SLC4A10: variants seen among roughly 807,000 people sequenced by gnomAD.
The protein encoded by SLC4A10 is solute carrier family 4 member 10.
In SLC4A10, 42 loss-of-function variants were observed where a neutral mutation model predicts 137.7. The observed-to-expected ratio is 0.30, with a 90% CI of 0.24 to 0.39. The LOEUF is 0.39. Among genes scored for constraint, SLC4A10 ranks in the 10% least tolerant of loss-of-function variants. The probability of loss-of-function intolerance (pLI) is 1.00; values close to 1 mark genes in which losing one functional copy is unlikely to be tolerated. For missense variants in SLC4A10, 925 were observed against 1,355.0 expected (o/e 0.68, Z 4.98); for synonymous variants, 474 against 464.1 (o/e 1.02, Z -0.27).
chr2:161,938,341 A>G (rs1176639676), intron 15 of SLC4A10, among the ~76,000 whole-genome samples: 2 of 152,162 alleles, frequency 1.3e-5, no homozygotes, highest in African/African-American at 2.4e-5. Flanking sequence ...TCTGAGGACT[A>G]TGGACCAAGG....
intron 3 of SLC4A10, among the ~76,000 whole-genome samples, chr2:161,813,661 C>A (rs943645463): frequency 5.3e-5 from 8 of 152,048 alleles, no homozygotes; most frequent in Admixed American, 6.6e-5. Flanking sequence ...GGGCTATGCG[C>A]TAATGATGAG....
chr2:161,823,186 T>C (rs1244697019), intron 3 of SLC4A10, among the ~76,000 whole-genome samples: 1 of 152,204 alleles, frequency 6.6e-6, no homozygotes, highest in African/African-American at 2.4e-5. Flanking sequence ...TTATCAGGCC[T>C]TATGTACACA....
At chr2:161,815,471 G>A (rs1017995966) in intron 3 of SLC4A10, among the ~76,000 whole-genome samples, 2 of 152,136 alleles carry the variant, frequency 1.3e-5, no homozygotes, top group Non-Finnish European at 2.9e-5. Context: ...GGAGCTGTGA[G>A]ACAATTAAAC....
intron 1 of SLC4A10, among the ~76,000 whole-genome samples, chr2:161,768,215 C>A (rs1047221081): frequency 6.6e-6 from 1 of 151,988 alleles, no homozygotes; most frequent in Admixed American, 6.6e-5. Flanking sequence ...CAGATGTGTT[C>A]AGAAACCCAC....
At chr2:161,896,377 G>A (rs1323810825) in intron 11 of SLC4A10, among the ~76,000 whole-genome samples, 1 of 151,994 alleles carries the variant, frequency 6.6e-6, no homozygotes, top group Non-Finnish European at 1.5e-5. Flanking sequence ...TTTTGGCTTA[G>A]GATTGACTTG....
intron 15 of SLC4A10, among the ~76,000 whole-genome samples, chr2:161,914,272 A>C (rs1575613686): frequency 6.6e-6 from 1 of 152,204 alleles, no homozygotes; most frequent in Admixed American, 6.5e-5. Flanking sequence ...TCTGAAAAAG[A>C]AAAGTTTAAT....
At chr2:161,767,868 C>T (rs79782387) in intron 1 of SLC4A10, among the ~76,000 whole-genome samples, 2,658 of 152,094 alleles carry the variant, frequency 0.017, 79 homozygotes, top group African/African-American at 0.06. Context: ...TCCTCACCTA[C>T]AATTTTCTTT....
intron 1 of SLC4A10, among the ~76,000 whole-genome samples, chr2:161,699,067 TG>T (rs751637224): frequency 6.6e-6 from 1 of 152,210 alleles, no homozygotes; most frequent in African/African-American, 2.4e-5. Flanking sequence ...TCGCCCAGGC[TG>T]GAGTGCAGTG....
rs756528978 is a variant in SLC4A10 at position 161,965,011 on chromosome 2, AT to A, written c.3037-32del. ...AGGCAAATCTACACCTCTCGTTTTA[AT>A]TTTTTTTCCACTTTAAACTAGTTTA... On this transcript the variant is annotated intron_variant, in intron 22 of 26. Coordinates refer to ENST00000446997, the MANE Select transcript of SLC4A10 (RefSeq NM_001178015.2). 27 of 1,575,488 alleles carry A rather than the reference AT, an allele frequency of 1.7e-5. No homozygotes were observed. The East Asian group carries it at 1.8e-4, about 11-fold the overall frequency.
In SLC4A10 at chr2:161,866,397, G is replaced by A. The variant is rs938604059; in HGVS notation, c.766+3335G>A. ...CATCTCTAAACACACTAGTTCACTC[G>A]TTTGAATAATTTTTTTCTTCGTATT... On this transcript the variant is annotated intron_variant, in intron 6 of 26. Transcript: ENST00000446997. Among the ~76,000 whole-genome samples, 3 of 151,850 alleles carry A rather than the reference G, an allele frequency of 2.0e-5. 1 individual carries two copies. The highest frequency in any genetic ancestry group is 2.9e-5 in the Non-Finnish European group (2 of 67,854).
intron 1 of SLC4A10, among the ~76,000 whole-genome samples, chr2:161,760,712 A>G (rs557977066): frequency 1.3e-5 from 2 of 152,144 alleles, no homozygotes; most frequent in Admixed American, 1.3e-4. Flanking sequence ...AAAACTAACA[A>G]TCTTTATGAT....
chr2:161,879,347 A>G (rs2061619839), intron 9 of SLC4A10, 59 bp downstream of exon 9: 3 of 1,472,500 alleles, frequency 2.0e-6, no homozygotes, highest in African/African-American at 2.8e-5. Context: ...ATGGAAAGAA[A>G]ATGAGGATTC....
intron 1 of SLC4A10, among the ~76,000 whole-genome samples, chr2:161,699,581 CA>C (rs1407707539): frequency 2.0e-5 from 3 of 152,086 alleles, no homozygotes; most frequent in African/African-American, 7.2e-5. Flanking sequence ...GTGAATCATA[CA>C]TATGATTTGT....
Position 161,728,532 on chromosome 2 carries a change from G to T in SLC4A10, c.49-42441G>T, listed in dbSNP as rs138826405. Among the ~76,000 whole-genome samples the T allele has an allele frequency of 2.4e-3, 357 of 151,902 alleles. 1 individual carries two copies. The highest frequency in any genetic ancestry group is 8.1e-3 in the African/African-American group (336 of 41,438). ...GGAGGTTGCAGTGAGCTGAAATCGCGCCCTGTACTCCAGCCTAGGCGACAG... is the reference window on the plus strand; with the variant it reads ...GGAGGTTGCAGTGAGCTGAAATCGCTCCCTGTACTCCAGCCTAGGCGACAG... On this transcript the variant is annotated intron_variant, in intron 1 of 26. Transcript: ENST00000446997.
intron 9 of SLC4A10, 47 bp from the exon 10 acceptor site, chr2:161,882,310 A>T (rs941475122): frequency 5.0e-6 from 6 of 1,205,224 alleles, no homozygotes; most frequent in East Asian, 2.6e-5. Flanking sequence ...TACTAAAATT[A>T]TTTTTATATT....
At chr2:161,952,785 T>A (rs1292546935) in intron 19 of SLC4A10, among the ~76,000 whole-genome samples, 1 of 152,168 alleles carries the variant, frequency 6.6e-6, no homozygotes, top group East Asian at 1.9e-4. Context: ...ATAACTCTTG[T>A]CTCCTATAAG....
chr2:161,813,205 T>C (rs1385030382), intron 3 of SLC4A10, among the ~76,000 whole-genome samples: 2 of 152,072 alleles, frequency 1.3e-5, no homozygotes, highest in African/African-American at 4.8e-5. Flanking sequence ...GACTCCTAGG[T>C]TTTTTCCTTT....
intron 1 of SLC4A10, among the ~76,000 whole-genome samples, chr2:161,742,741 G>C (rs1422102602): frequency 6.6e-6 from 1 of 151,746 alleles, no homozygotes; most frequent in Non-Finnish European, 1.5e-5. Flanking sequence ...TGCCCAGCTG[G>C]GTTCTCCTTT....
chr2:161,940,686 A>G (rs561111531), intron 15 of SLC4A10, among the ~76,000 whole-genome samples: 1 of 152,312 alleles, frequency 6.6e-6, no homozygotes, highest in South Asian at 2.1e-4. Flanking sequence ...GTGGAAAGCA[A>G]TTAAGGGGAG....
Sources: allele counts gnomAD v4.1 joint callset (sites outside exome capture counted in the v4.1 genomes callset), GRCh38; gene constraint gnomAD v4.1.1; transcripts MANE v1.5; gene names NCBI Gene and HGNC (gene_info 2026-07-23, HGNC 2026-07-21).